The following DDHD2 variants were observed in gnomAD, a reference collection of about 807,000 sequenced individuals.
DDHD2 encodes triacylglycerol hydrolase DDHD2.
DDHD2 carries 62 observed loss-of-function variants against 91.2 expected under a neutral mutation model. The ratio of observed to expected loss-of-function variants is 0.68; its 90% CI spans 0.55 to 0.84. The LOEUF (loss-of-function observed/expected upper bound fraction) is 0.84, where lower values mean the gene tolerates loss of function less well. Ranked by LOEUF, DDHD2 falls within the 40% of genes least tolerant of loss-of-function variation. DDHD2 has a pLI of 0.00. For missense variants in DDHD2, 740 were observed against 846.9 expected, an observed-to-expected ratio of 0.87 and a Z score of 1.57; for synonymous variants, 271 against 293.9, an observed-to-expected ratio of 0.92 and a Z score of 0.80.
chr8:38,253,154 G>A (rs1387410310), intron 15 of DDHD2, 27 bp downstream of exon 15: 7 of 1,584,634 alleles, frequency 4.4e-6, no homozygotes, highest in Non-Finnish European at 6.0e-6. Flanking sequence ...ACATTGACCA[G>A]CTGCCAGATA....
At position 38,252,994 on chromosome 8, in the gene DDHD2, T is replaced by G. The variant is rs1416401627; in HGVS notation, c.1758T>G (p.Leu586=). The G allele has an allele frequency of 1.9e-6, 3 of 1,614,186 alleles. No individual in the cohort carries two copies. Among genetic ancestry groups the G allele is most frequent in the Middle Eastern group, 1.6e-4 (1 of 6,062 alleles). ...GCTTGACCAGGATGAGTATGGACCT[T>G]AAGAACAACTTGCTAGGTTCGCTGC... is the stretch of plus-strand genomic sequence containing the variant. ...REGLTRMSMD[L]KNNLLGSLRM... The change falls in exon 15 of 18, where the codon CTT becomes CTG. Residue 586 remains leucine, a synonymous_variant. Coordinates refer to ENST00000397166, the MANE Select transcript of DDHD2 (RefSeq NM_015214.3).
chr8:38,243,792 A>G (rs866948075), intron 7 of DDHD2, among the ~76,000 whole-genome samples: 2 of 150,158 alleles, frequency 1.3e-5, no homozygotes, highest in South Asian at 4.2e-4. Flanking sequence ...CACCACTTGC[A>G]GCTGATTTTT....
chr8:38,236,669 C>T (rs1804788852), intron 3 of DDHD2, among the ~76,000 whole-genome samples: 2 of 152,206 alleles, frequency 1.3e-5, no homozygotes, highest in South Asian at 2.1e-4. Context: ...GCATGTGCCA[C>T]AATGCCTGGC....
At position 38,232,991 on chromosome 8, in the gene DDHD2, C is replaced by A; in HGVS notation, c.-4C>A. Reference sequence around the variant, plus strand: ...ATAGTTTTCTTTTGTCTTTAGAGAGCGAAATGTCATCAGTGCAGTCACAAC... The same window carrying A: ...ATAGTTTTCTTTTGTCTTTAGAGAGAGAAATGTCATCAGTGCAGTCACAAC... On this transcript the variant is annotated 5_prime_UTR_variant, in exon 2 of 18. Coordinates refer to ENST00000397166, the MANE Select transcript of DDHD2 (RefSeq NM_015214.3). The A allele has an allele frequency of 6.2e-7, 1 of 1,612,988 alleles. No individual in the cohort carries two copies. The highest frequency in any genetic ancestry group is 8.5e-7 in the Non-Finnish European group (1 of 1,179,506).
intron 7 of DDHD2, among the ~76,000 whole-genome samples, chr8:38,243,641 G>A (rs16887277): frequency 5.9e-5 from 9 of 151,396 alleles, no homozygotes; most frequent in Admixed American, 5.9e-4. Context: ...AATTTCATCT[G>A]TAAATGTTTC....
At chr8:38,249,061 C>T (rs1306303927) in intron 10 of DDHD2, among the ~76,000 whole-genome samples, 2 of 151,898 alleles carry the variant, frequency 1.3e-5, no homozygotes, top group Admixed American at 6.6e-5. Context: ...GAGTATAATC[C>T]TTCTCAGGCA....
chr8:38,267,291 T>C (rs1807772609), downstream of DDHD2: 1 of 1,613,888 alleles, frequency 6.2e-7, no homozygotes, highest in Admixed American at 1.7e-5. Context: ...CTGGGGAAGC[T>C]CTTTCGGCCC....
chr8:38,272,440 A>C (rs568536092), downstream of DDHD2: 1 of 152,378 alleles, frequency 6.6e-6, no homozygotes, highest in South Asian at 2.1e-4. Flanking sequence ...TCAGCCTTCC[A>C]GGAATGAAGA....
intron 7 of DDHD2, among the ~76,000 whole-genome samples, chr8:38,243,808 C>CTT (rs747825792): frequency 5.2e-5 from 7 of 135,340 alleles, no homozygotes; most frequent in Non-Finnish European, 8.0e-5. Flanking sequence ...TTTTTTTTAT[C>CTT]TTTTTTTTTT....
intron 16 of DDHD2, among the ~76,000 whole-genome samples, chr8:38,258,004 A>G (rs1431962299): frequency 6.6e-6 from 1 of 151,966 alleles, no homozygotes; most frequent in Non-Finnish European, 1.5e-5. Flanking sequence ...TAGAAACAGG[A>G]TCTTGCATGC....
chr8:38,252,900 A>G, intron 14 of DDHD2, 57 bp from the exon 15 acceptor site: 1 of 1,606,496 alleles, frequency 6.2e-7, no homozygotes, highest in Non-Finnish European at 8.5e-7. Flanking sequence ...CTGTTCAGCT[A>G]TGTTGGACCC....
Position 38,258,284 on chromosome 8 carries a change from C to T in DDHD2, c.2055-1756C>T, listed in dbSNP as rs191975422. 2.0e-4 allele frequency among the ~76,000 whole-genome samples: 30 copies of T among 147,988 alleles called. No homozygotes were observed. In the East Asian group the frequency reaches 3.3e-3, roughly 17 times the overall value. ...TTTTTTTTTTTGAGACAGAGTCTTGCTGTGTTGCCCAGGCTGAAGTGCAGT... is the reference window on the plus strand; with the variant it reads ...TTTTTTTTTTTGAGACAGAGTCTTGTTGTGTTGCCCAGGCTGAAGTGCAGT... On this transcript the variant is annotated intron_variant, in intron 16 of 17. Transcript: ENST00000397166.
At chr8:38,264,583 A>G (rs370998894), downstream of DDHD2, 1 of 1,594,088 alleles carries the variant, frequency 6.3e-7, no homozygotes, top group Non-Finnish European at 8.5e-7. Context: ...TGTCATTCCA[A>G]TCATGGATCC....
intron 1 of DDHD2, chr8:38,268,063 C>A: frequency 6.4e-7 from 1 of 1,571,104 alleles, no homozygotes; most frequent in Non-Finnish European, 8.6e-7. Flanking sequence ...TGGATAGAAT[C>A]CAACCAGGCC....
intron 7 of DDHD2, among the ~76,000 whole-genome samples, chr8:38,245,431 CAA>C (rs921954707): frequency 2.2e-4 from 24 of 109,504 alleles, no homozygotes; most frequent in Non-Finnish European, 1.9e-4. Context: ...GAGTCTGTCT[CAA>C]AAAAAAAAAA....
Position 38,234,486 on chromosome 8 carries a change from G to A in DDHD2, c.313G>A (p.Glu105Lys). 6.2e-7 allele frequency: 1 copy of A among 1,613,490 alleles called. No homozygotes were observed. The highest frequency in any genetic ancestry group is 8.5e-7 in the Non-Finnish European group (1 of 1,179,892). Residue 105 changes from glutamate to lysine, a missense_variant, in exon 3 of 18, where the codon GAA (glutamate) becomes AAA (lysine). Glu to Lys is a moderately conservative substitution (Grantham distance 56). Transcript: ENST00000397166. ...ERMRYAVYWD[E>K]LASEVRRCTW... Reference sequence around the variant, plus strand: ...GATGCGGTATGCTGTATACTGGGATGAACTGGCATCGGAAGTGAGACGATG... The same window carrying A: ...GATGCGGTATGCTGTATACTGGGATAAACTGGCATCGGAAGTGAGACGATG...
intron 10 of DDHD2, 47 bp from the exon 11 acceptor site, chr8:38,249,661 A>G (rs1400233018): frequency 7.1e-7 from 1 of 1,416,454 alleles, no homozygotes; most frequent in Non-Finnish European, 9.8e-7. Context: ...GACAGGATTG[A>G]TTTTATTTTG....
chr8:38,254,642 T>A (rs1806369489), intron 16 of DDHD2, among the ~76,000 whole-genome samples: 1 of 152,070 alleles, frequency 6.6e-6, no homozygotes, highest in African/African-American at 2.4e-5. Flanking sequence ...AGTGCTGGAA[T>A]TACAGGCATG....
chr8:38,235,857 A>C (rs1804682614), intron 3 of DDHD2, among the ~76,000 whole-genome samples: 1 of 138,564 alleles, frequency 7.2e-6, no homozygotes, highest in South Asian at 2.4e-4. Context: ...CCACCACTAC[A>C]AAAAAAAGTA....
Sources: gnomAD v4.1 joint callset for allele counts (sites outside exome capture counted in the v4.1 genomes callset) on GRCh38, gnomAD v4.1.1 for gene constraint, MANE v1.5 for transcripts, NCBI Gene and HGNC (gene_info 2026-07-23, HGNC 2026-07-21) for gene names.